Variants in ADAM23 observed in about 807,000 individuals in gnomAD.
ADAM23 encodes disintegrin and metalloproteinase domain-containing protein 23.
Under a neutral mutation model 120.1 loss-of-function variants are expected in ADAM23, and 33 were observed. That is an observed-to-expected ratio of 0.27 (90% CI 0.21 to 0.37). The LOEUF is 0.37. Ranked by LOEUF, ADAM23 falls within the 10% of genes least tolerant of loss-of-function variation. The pLI is 1.00. For synonymous variants in ADAM23, 367 were observed against 375.2 expected (o/e 0.98, Z 0.25); for missense variants, 862 against 1,058.2 (o/e 0.81, Z 2.57).
chr2:206,515,002 T>C (rs191823049), intron 3 of ADAM23, among the ~76,000 whole-genome samples: 1 of 152,348 alleles, frequency 6.6e-6, no homozygotes, highest in East Asian at 1.9e-4. Flanking sequence ...TAACTTGCTT[T>C]ATTGTGATAC....
chr2:206,506,853 C>G (rs1158870561), intron 3 of ADAM23, among the ~76,000 whole-genome samples: 6 of 152,146 alleles, frequency 3.9e-5, no homozygotes, highest in Non-Finnish European at 2.9e-5. Context: ...TGAGAAAAAT[C>G]TTGTTTTCCA....
intron 4 of ADAM23, among the ~76,000 whole-genome samples, chr2:206,533,545 G>A (rs558103274): frequency 6.6e-6 from 1 of 152,124 alleles, no homozygotes; most frequent in East Asian, 1.9e-4. Context: ...TGCACACATT[G>A]TACACACACA....
At chr2:206,454,533 C>G (rs1036023640) in intron 2 of ADAM23, among the ~76,000 whole-genome samples, 1 of 152,194 alleles carries the variant, frequency 6.6e-6, no homozygotes, top group Non-Finnish European at 1.5e-5. Flanking sequence ...ATCATACCTT[C>G]CAACAGTTCC....
intron 25 of ADAM23, among the ~76,000 whole-genome samples, chr2:206,612,454 A>C (rs1423341971): frequency 6.6e-6 from 1 of 152,250 alleles, no homozygotes; most frequent in Non-Finnish European, 1.5e-5. Context: ...GATTGTTCTA[A>C]ATGCTGCTAT....
At chr2:206,470,618 A>G (rs1695638041) in intron 2 of ADAM23, among the ~76,000 whole-genome samples, 1 of 152,188 alleles carries the variant, frequency 6.6e-6, no homozygotes, top group African/African-American at 2.4e-5. Flanking sequence ...ATGTTGAGGA[A>G]CAGGCCTTAA....
chr2:206,453,993 A>G (rs1695245487), intron 2 of ADAM23, among the ~76,000 whole-genome samples: 2 of 152,250 alleles, frequency 1.3e-5, no homozygotes, highest in Admixed American at 1.3e-4. Context: ...TTATTTGGAA[A>G]TGAAAAGGAT....
intron 24 of ADAM23, among the ~76,000 whole-genome samples, chr2:206,599,859 AC>A (rs1698602679): frequency 6.6e-6 from 1 of 152,214 alleles, no homozygotes; most frequent in South Asian, 2.1e-4. Context: ...TCAGTGTTTT[AC>A]TTACTGTAGG....
chr2:206,504,623 C>CA (rs1200911670), intron 3 of ADAM23, among the ~76,000 whole-genome samples: 1 of 152,148 alleles, frequency 6.6e-6, no homozygotes, highest in Non-Finnish European at 1.5e-5. Flanking sequence ...CAATTTTTAG[C>CA]AAAATAACTT....
chr2:206,609,095 T>G (rs1224631457), intron 24 of ADAM23, among the ~76,000 whole-genome samples: 1 of 152,184 alleles, frequency 6.6e-6, no homozygotes, highest in East Asian at 1.9e-4. Context: ...GGATATGGAT[T>G]AGCTCTTACC....
chr2:206,555,450 A>G (rs961616427), intron 9 of ADAM23, among the ~76,000 whole-genome samples: 1 of 152,146 alleles, frequency 6.6e-6, no homozygotes, highest in Non-Finnish European at 1.5e-5. Context: ...TTTAGCCTCC[A>G]TTATCTCTTA....
At position 206,479,224 on chromosome 2, in the gene ADAM23, T is replaced by C. The variant is rs562548461; in HGVS notation, c.433-2008T>C. Among the ~76,000 whole-genome samples, 13 of 152,338 alleles carry C rather than the reference T, an allele frequency of 8.5e-5. No homozygotes were observed. The South Asian group carries it at 2.7e-3, about 32-fold the overall frequency. On this transcript the variant is annotated intron_variant, in intron 2 of 25. Transcript: ENST00000264377. ...GTGTAACTCCTACAATTCTGTAAAA[T>C]GAAGGTACTACATTTACCACCAGAT...
chr2:206,460,354 G>T (rs1314988980), intron 2 of ADAM23, among the ~76,000 whole-genome samples: 2 of 152,062 alleles, frequency 1.3e-5, no homozygotes, highest in Non-Finnish European at 2.9e-5. Flanking sequence ...GTGCACAAGG[G>T]TTCCAATTCT....
At chr2:206,477,202 CTTTCT>C (rs1695792226) in intron 2 of ADAM23, among the ~76,000 whole-genome samples, 1 of 152,082 alleles carries the variant, frequency 6.6e-6, no homozygotes, top group African/African-American at 2.4e-5. Context: ...AACCCAATAG[CTTTCT>C]TAAAGTTATT....
At chr2:206,452,068 C>T (rs1046878754) in intron 2 of ADAM23, among the ~76,000 whole-genome samples, 1 of 152,134 alleles carries the variant, frequency 6.6e-6, no homozygotes, top group Non-Finnish European at 1.5e-5. Context: ...GAAGATTGGG[C>T]TTACGGCCCT....
chr2:206,494,688 T>C (rs1004526111), intron 3 of ADAM23, among the ~76,000 whole-genome samples: 1 of 152,240 alleles, frequency 6.6e-6, no homozygotes, highest in African/African-American at 2.4e-5. Context: ...GGATTGTTGA[T>C]ACAGCTTAGC....
intron 1 of ADAM23, among the ~76,000 whole-genome samples, 166 bp downstream of exon 1, chr2:206,444,246 A>C (rs1367779579): frequency 6.6e-6 from 1 of 151,946 alleles, no homozygotes; most frequent in East Asian, 1.9e-4. Flanking sequence ...CATTCATCCC[A>C]GTTCACTTTT....
chr2:206,539,566 G>A (rs1003272807), intron 4 of ADAM23, among the ~76,000 whole-genome samples: 35 of 152,202 alleles, frequency 2.3e-4, no homozygotes, highest in Non-Finnish European at 4.3e-4. Flanking sequence ...GGTACATGGA[G>A]ACAGCAGTCA....
chr2:206,610,037 G>T, intron 25 of ADAM23, 37 bp downstream of exon 25: 2 of 1,492,492 alleles, frequency 1.3e-6, no homozygotes, highest in African/African-American at 1.5e-5. Context: ...CAGTGGCTCT[G>T]GCATTTCTCT....
chr2:206,528,362 C>G (rs932834591), intron 3 of ADAM23, among the ~76,000 whole-genome samples: 1 of 152,176 alleles, frequency 6.6e-6, no homozygotes, highest in Non-Finnish European at 1.5e-5. Context: ...ATTACTTTTA[C>G]TATCTGAGAT....
Sources: gnomAD v4.1 joint callset for allele counts (sites outside exome capture counted in the v4.1 genomes callset) on GRCh38, gnomAD v4.1.1 for gene constraint, MANE v1.5 for transcripts, NCBI Gene and HGNC (gene_info 2026-07-23, HGNC 2026-07-21) for gene names.